The following MAP4K4 variants were observed in gnomAD, a reference collection of about 807,000 sequenced individuals.
MAP4K4 encodes the protein mitogen-activated protein kinase kinase kinase kinase 4.
A neutral mutation model predicts 189.6 loss-of-function variants in MAP4K4; 38 were observed. That is an observed-to-expected ratio of 0.20 (90% CI 0.15 to 0.26). MAP4K4 has a LOEUF of 0.26. MAP4K4 is among the 10% of genes least tolerant of loss of function. The pLI, the probability that MAP4K4 is intolerant of heterozygous loss-of-function variation, is 1.00. For missense variants in MAP4K4, 1,054 were observed against 1,726.9 expected, an observed-to-expected ratio of 0.61 and a Z score of 6.91; for synonymous variants, 610 against 624.3, an observed-to-expected ratio of 0.98 and a Z score of 0.34.
chr2:101,868,083 C>T, intron 21 of MAP4K4, 46 bp downstream of exon 21: 1 of 1,603,766 alleles, frequency 6.2e-7, no homozygotes, highest in Non-Finnish European at 8.5e-7. Context: ...AGCACTCCGA[C>T]CGCCTGTCAG....
chr2:101,845,590 T>C (rs887876390), intron 12 of MAP4K4, among the ~76,000 whole-genome samples: 2 of 152,174 alleles, frequency 1.3e-5, no homozygotes, highest in African/African-American at 2.4e-5. Flanking sequence ...CTGTAGGCAG[T>C]TGTAACACAA....
At chr2:101,806,288 C>T (rs1227678034) in intron 3 of MAP4K4, among the ~76,000 whole-genome samples, 1 of 151,956 alleles carries the variant, frequency 6.6e-6, no homozygotes, top group Non-Finnish European at 1.5e-5. Context: ...CCCCCCAGGC[C>T]CCTTGGGGAT....
intron 19 of MAP4K4, among the ~76,000 whole-genome samples, chr2:101,866,923 C>T (rs563380167): frequency 4.8e-4 from 72 of 151,504 alleles, no homozygotes; most frequent in African/African-American, 1.6e-3. Flanking sequence ...TTAATGTACT[C>T]ATAATAGATG....
At chr2:101,777,079 A>G (rs904299691) in intron 2 of MAP4K4, among the ~76,000 whole-genome samples, 2 of 152,210 alleles carry the variant, frequency 1.3e-5, no homozygotes, top group African/African-American at 2.4e-5. Context: ...GGCTCTGCCA[A>G]TATAGGCCTC....
intron 2 of MAP4K4, among the ~76,000 whole-genome samples, chr2:101,767,577 A>T: frequency 6.6e-6 from 1 of 152,162 alleles, no homozygotes; most frequent in East Asian, 1.9e-4. Context: ...TTTAACTCTG[A>T]GACCTCAGAA....
intron 3 of MAP4K4, among the ~76,000 whole-genome samples, chr2:101,804,104 C>T (rs979146778): frequency 3.3e-5 from 5 of 152,238 alleles, no homozygotes; most frequent in East Asian, 1.9e-4. Flanking sequence ...ATGAACAGCC[C>T]GTCTGTTCTA....
Position 101,856,157 on chromosome 2 carries a change from TAGC to T in MAP4K4, c.1395+22_1395+24del, listed in dbSNP as rs1197839122. 1.9e-6 allele frequency: 3 copies of T among 1,547,154 alleles called. No homozygotes were observed. The highest frequency in any genetic ancestry group is 2.6e-6 in the Non-Finnish European group (3 of 1,145,840). ...AGAACAGGTTAGTTCACAGATAACATAGCAGGCATACACTTGTGAAGTTTGTTA... is the reference window on the plus strand; with the variant it reads ...AGAACAGGTTAGTTCACAGATAACATAGGCATACACTTGTGAAGTTTGTTA... On this transcript the variant is annotated intron_variant, in intron 13 of 32. Transcript: ENST00000324219.
intron 2 of MAP4K4, among the ~76,000 whole-genome samples, chr2:101,776,010 G>A (rs2083903744): frequency 6.6e-6 from 1 of 152,214 alleles, no homozygotes; most frequent in African/African-American, 2.4e-5. Context: ...TATGCTTAAC[G>A]TGGTGGTGTT....
chr2:101,786,201 C>G (rs2091163183), intron 2 of MAP4K4, among the ~76,000 whole-genome samples: 1 of 152,048 alleles, frequency 6.6e-6, no homozygotes, highest in Admixed American at 6.6e-5. Flanking sequence ...TCTCTATGGG[C>G]CAGGGGCAGA....
At chr2:101,830,953 A>G (rs749165484) in intron 6 of MAP4K4, among the ~76,000 whole-genome samples, 2 of 152,192 alleles carry the variant, frequency 1.3e-5, no homozygotes. Context: ...GCATGAATCT[A>G]TGATCCCTTT....
chr2:101,722,681 A>G (rs190592651), intron 2 of MAP4K4, among the ~76,000 whole-genome samples: 1 of 152,302 alleles, frequency 6.6e-6, no homozygotes. Flanking sequence ...TCTCATAAAT[A>G]CAACTTTATA....
intron 2 of MAP4K4, among the ~76,000 whole-genome samples, chr2:101,707,664 C>CACCA (rs1394268244): frequency 2.2e-4 from 34 of 151,786 alleles, no homozygotes; most frequent in African/African-American, 8.0e-4. Context: ...AGGTGTGCAC[C>CACCA]ACCATGTCCA....
chr2:101,717,760 C>G (rs1227022892), intron 2 of MAP4K4, among the ~76,000 whole-genome samples: 2 of 151,958 alleles, frequency 1.3e-5, no homozygotes, highest in South Asian at 4.2e-4. Context: ...GACTCATTAG[C>G]CTTGGATAAT....
intron 2 of MAP4K4, among the ~76,000 whole-genome samples, chr2:101,761,806 C>T (rs1218255467): frequency 6.6e-6 from 1 of 152,114 alleles, no homozygotes; most frequent in African/African-American, 2.4e-5. Flanking sequence ...ATCCACCTGC[C>T]TCGGTCTCCC....
intron 2 of MAP4K4, among the ~76,000 whole-genome samples, chr2:101,746,681 G>A (rs1359031571): frequency 6.6e-6 from 1 of 152,090 alleles, no homozygotes; most frequent in East Asian, 1.9e-4. Flanking sequence ...GAGATTTTAA[G>A]CTCACGTTAA....
chr2:101,775,537 C>G (rs1273957293), intron 2 of MAP4K4, among the ~76,000 whole-genome samples: 1 of 151,960 alleles, frequency 6.6e-6, no homozygotes, highest in Non-Finnish European at 1.5e-5. Flanking sequence ...CACCTGTTAG[C>G]CTCTTGATTA....
At chr2:101,818,677 A>G (rs772583463) in intron 3 of MAP4K4, among the ~76,000 whole-genome samples, 9 of 152,182 alleles carry the variant, frequency 5.9e-5, no homozygotes, top group Non-Finnish European at 1.0e-4. Flanking sequence ...TTGTCATATG[A>G]CAAACCCATC....
exon 33 of MAP4K4, chr2:101,891,997 AAAAAAAAAAAAAAAAAAAGG>A (rs2098576768): frequency 6.7e-6 from 1 of 149,728 alleles, no homozygotes; most frequent in Non-Finnish European, 1.5e-5. Flanking sequence ...TAAAAAAAAA[AAAAAAAAAAAAAAAAAAAGG>A]AAAAAAAAAA....
At position 101,731,588 on chromosome 2, in the gene MAP4K4, A is replaced by G. The variant is rs375040763; in HGVS notation, c.123+33050A>G. 8.6e-5 allele frequency among the ~76,000 whole-genome samples: 13 copies of G among 152,046 alleles called. 1 individual carries two copies. The East Asian group carries it at 1.6e-3, about 18-fold the overall frequency. ...AACCTGGGCAACATGATGAAACCCC[A>G]TCTCTAAAAATAAATACAAAAATTA... On this transcript the variant is annotated intron_variant, in intron 2 of 32. Coordinates refer to ENST00000324219, the Ensembl canonical transcript of MAP4K4.
Sources: allele counts gnomAD v4.1 joint callset (sites outside exome capture counted in the v4.1 genomes callset), GRCh38; gene constraint gnomAD v4.1.1; transcripts MANE v1.5; gene names NCBI Gene and HGNC (gene_info 2026-07-23, HGNC 2026-07-21).